LPP: variants seen among roughly 807,000 people sequenced by gnomAD.
LPP encodes the protein LIM domain containing preferred translocation partner in lipoma.
A neutral mutation model predicts 60.4 loss-of-function variants in LPP; 38 were observed. That is an observed-to-expected ratio of 0.63 (90% CI 0.49 to 0.83). The LOEUF (loss-of-function observed/expected upper bound fraction) is 0.83, where lower values mean the gene tolerates loss of function less well. Ranked by LOEUF, LPP falls within the 40% of genes least tolerant of loss-of-function variation. The pLI, the probability that LPP is intolerant of heterozygous loss-of-function variation, is 0.00. For synonymous variants in LPP, 328 were observed against 290.8 expected (o/e 1.13, Z -1.30); for missense variants, 902 against 783.6 (o/e 1.15, Z -1.80).
chr3:188,307,933 G>C (rs4686480), intron 2 of LPP, among the ~76,000 whole-genome samples: 51,214 of 152,010 alleles, frequency 0.34, 9,316 homozygotes, highest in East Asian at 0.67. Flanking sequence ...GTGCTCTGGG[G>C]TGTAAGTGTG....
At position 188,885,679 on chromosome 3, in the gene LPP, G is replaced by T. The variant is rs532888009; in HGVS notation, c.*11200G>T. The T allele has an allele frequency of 1.3e-5, 2 of 152,862 alleles. No homozygotes were observed. The highest frequency in any genetic ancestry group is 2.9e-5 in the Non-Finnish European group (2 of 68,460). The allele number at this position is 152,862 out of a possible 1,614,324, so 9.5% of individuals were successfully genotyped here. A position where few individuals can be genotyped will look rare whatever the true frequency, so the allele number is the denominator to read the frequency against. ...AGTAATGGGATGGCTGGGTCAAATG[G>T]TATTTCTAGTTCTAGATCCCTGAGG... On this transcript the variant is annotated 3_prime_UTR_variant, in exon 12 of 12. Transcript: ENST00000617246.
chr3:188,785,543 TATATAC>T (rs1560201721), intron 9 of LPP, among the ~76,000 whole-genome samples: 4 of 67,080 alleles, frequency 6.0e-5, no homozygotes, highest in African/African-American at 7.8e-5. Context: ...ATCATATATA[TATATAC>T]ACACACACAC....
At chr3:188,444,426 T>C (rs1794740506) in intron 4 of LPP, among the ~76,000 whole-genome samples, 1 of 152,192 alleles carries the variant, frequency 6.6e-6, no homozygotes, top group African/African-American at 2.4e-5. Flanking sequence ...GTTGATTGCA[T>C]ATTAAATAGG....
In LPP at chr3:188,592,557, G is replaced by GTTGTTTGTTTTTTTTTTTTTTTTTT. The variant is rs1553936334; in HGVS notation, c.430-16602_430-16601insGTTTGTTTTTTTTTTTTTTTTTTTT. 1.4e-4 allele frequency among the ~76,000 whole-genome samples: 12 copies of GTTGTTTGTTTTTTTTTTTTTTTTTT among 85,786 alleles called. 1 individual carries two copies. Among genetic ancestry groups the GTTGTTTGTTTTTTTTTTTTTTTTTT allele is most frequent in the East Asian group, 9.6e-4 (2 of 2,082 alleles). 56.3% of individuals were successfully genotyped at this position (85,786 alleles called of 152,430 possible). A position where few individuals can be genotyped will look rare whatever the true frequency, so the allele number is the denominator to read the frequency against. On this transcript the variant is annotated intron_variant, in intron 6 of 11. Transcript: ENST00000617246. ...TATCACTGTTTTTAGTTTTGTTTTT[G>GTTGTTTGTTTTTTTTTTTTTTTTTT]TTTTTTAAATGGAGTCTCACTCTTT...
chr3:188,761,251 A>G (rs2150500861), intron 9 of LPP, among the ~76,000 whole-genome samples: 1 of 152,344 alleles, frequency 6.6e-6, no homozygotes, highest in East Asian at 1.9e-4. Flanking sequence ...TGGCTTTACA[A>G]GGTTCACATT....
chr3:188,599,086 A>G (rs1429428973), intron 6 of LPP, among the ~76,000 whole-genome samples: 1 of 152,132 alleles, frequency 6.6e-6, no homozygotes, highest in East Asian at 1.9e-4. Context: ...ATGGCATTTT[A>G]TCCAGTGCTG....
chr3:188,457,904 G>A lies in LPP; in HGVS notation c.194-26688G>A, dbSNP rs370007566. On this transcript the variant is annotated intron_variant, in intron 4 of 11. Coordinates refer to ENST00000617246, the MANE Select transcript of LPP (RefSeq NM_001375462.1). The stretch of plus-strand genomic sequence containing the variant: ...AGCCTGGGTGACAGAGTGAGACTCC[G>A]TCTCAAAAAATATCCTTTGAGGTCA... Among the ~76,000 whole-genome samples the A allele has an allele frequency of 6.8e-4, 104 of 152,012 alleles. 2 individuals are homozygous for A. The East Asian group carries it at 0.011, about 16-fold the overall frequency.
chr3:188,656,050 G>A (rs1033005747), intron 7 of LPP, among the ~76,000 whole-genome samples: 1 of 151,900 alleles, frequency 6.6e-6, no homozygotes, highest in Non-Finnish European at 1.5e-5. Context: ...AAAATAGCCA[G>A]GCATGGTGGT....
chr3:188,514,383 C>T (rs1039633816), intron 5 of LPP, among the ~76,000 whole-genome samples: 11 of 151,860 alleles, frequency 7.2e-5, no homozygotes, highest in African/African-American at 2.7e-4. Context: ...TGTACATCAT[C>T]TTTTTGGTTG....
At chr3:188,726,652 C>T (rs960448680) in intron 8 of LPP, among the ~76,000 whole-genome samples, 2 of 152,046 alleles carry the variant, frequency 1.3e-5, no homozygotes, top group Non-Finnish European at 2.9e-5. Context: ...ATAGTGTGAC[C>T]GCTATAATTG....
At chr3:188,581,695 C>T (rs1395029735) in intron 6 of LPP, among the ~76,000 whole-genome samples, 1 of 152,156 alleles carries the variant, frequency 6.6e-6, no homozygotes, top group East Asian at 1.9e-4. Context: ...CCTGGTTATA[C>T]CCTGGATCTT....
chr3:188,203,034 A>T (rs898625284), intron 1 of LPP, among the ~76,000 whole-genome samples: 1 of 147,106 alleles, frequency 6.8e-6, no homozygotes, highest in East Asian at 2.0e-4. Flanking sequence ...GAAACAATTT[A>T]TATGTTTTTT....
At chr3:188,308,893 C>G (rs941749455) in intron 2 of LPP, among the ~76,000 whole-genome samples, 1 of 149,292 alleles carries the variant, frequency 6.7e-6, no homozygotes, top group African/African-American at 2.6e-5. Flanking sequence ...TTCTCCTTCT[C>G]CTACTCCTTC....
chr3:188,694,288 C>G (rs1862734303), intron 7 of LPP, among the ~76,000 whole-genome samples: 1 of 152,088 alleles, frequency 6.6e-6, no homozygotes, highest in South Asian at 2.1e-4. Flanking sequence ...AGGTACAGTA[C>G]TATTTATTAT....
intron 5 of LPP, among the ~76,000 whole-genome samples, chr3:188,500,146 A>C (rs1811408125): frequency 6.6e-6 from 1 of 151,732 alleles, no homozygotes; most frequent in Non-Finnish European, 1.5e-5. Flanking sequence ...TATTACACTA[A>C]ATTGTTATGG....
chr3:188,479,385 T>C (rs947678992), intron 4 of LPP, among the ~76,000 whole-genome samples: 2 of 152,208 alleles, frequency 1.3e-5, no homozygotes, highest in East Asian at 1.9e-4. Context: ...ATGTTGGAAA[T>C]GCAGAATCTC....
At chr3:188,718,597 T>C (rs1339986263) in intron 8 of LPP, among the ~76,000 whole-genome samples, 2 of 152,368 alleles carry the variant, frequency 1.3e-5, no homozygotes, top group South Asian at 2.1e-4. Flanking sequence ...ATCTGTTTTC[T>C]TCACTAAATG....
intron 4 of LPP, among the ~76,000 whole-genome samples, chr3:188,482,015 G>C (rs1804912956): frequency 6.6e-6 from 1 of 152,152 alleles, no homozygotes; most frequent in African/African-American, 2.4e-5. Flanking sequence ...TTGGATCATG[G>C]GGGTGGTTCC....
intron 7 of LPP, among the ~76,000 whole-genome samples, chr3:188,631,553 A>T (rs576127708): frequency 6.6e-6 from 1 of 152,348 alleles, no homozygotes; most frequent in African/African-American, 2.4e-5. Context: ...TCGAAAACCA[A>T]GTAGTACTCC....
Sources: allele counts gnomAD v4.1 joint callset (sites outside exome capture counted in the v4.1 genomes callset), GRCh38; gene constraint gnomAD v4.1.1; transcripts MANE v1.5; gene names NCBI Gene and HGNC (gene_info 2026-07-23, HGNC 2026-07-21).